Variants in LIPC observed in about 807,000 individuals in gnomAD.
The protein encoded by LIPC is hepatic triacylglycerol lipase.
Under a neutral mutation model 50.7 loss-of-function variants are expected in LIPC, and 44 were observed. The ratio of observed to expected loss-of-function variants is 0.87; its 90% CI spans 0.68 to 1.11. LIPC has a LOEUF of 1.11. LIPC is among the 50% of genes most tolerant of loss of function. LIPC has a pLI of 0.00. For synonymous variants in LIPC, 271 were observed against 256.4 expected (o/e 1.06, Z -0.54); for missense variants, 697 against 648.2 (o/e 1.08, Z -0.82).
At chr15:58,493,875 G>C (rs12916002) in intron 1 of LIPC, among the ~76,000 whole-genome samples, 1 of 152,066 alleles carries the variant, frequency 6.6e-6, no homozygotes, top group Non-Finnish European at 1.5e-5. Flanking sequence ...AGACGCACAG[G>C]AAGATGGCAA....
chr15:58,469,052 C>T (rs559758304), intron 1 of LIPC, among the ~76,000 whole-genome samples: 1 of 151,824 alleles, frequency 6.6e-6, no homozygotes, highest in South Asian at 2.1e-4. Context: ...AACATTAGTT[C>T]ACCATAGTTC....
chr15:58,510,847 G>C (rs1255404319), intron 1 of LIPC, among the ~76,000 whole-genome samples: 1 of 152,202 alleles, frequency 6.6e-6, no homozygotes, highest in East Asian at 1.9e-4. Context: ...GTCCTGAAAG[G>C]ACCTCTCAGC....
intron 1 of LIPC, chr15:58,436,438 T>C (rs1566905721): frequency 8.1e-6 from 2 of 246,318 alleles, no homozygotes; most frequent in South Asian, 4.6e-5. Flanking sequence ...TTTGGACTCA[T>C]ACGAAAAATA....
chr15:58,558,192 C>G (rs1894024377), intron 6 of LIPC, among the ~76,000 whole-genome samples: 1 of 152,110 alleles, frequency 6.6e-6, no homozygotes, highest in African/African-American at 2.4e-5. Context: ...CCTACCTCAG[C>G]CTCCCGAGTA....
At chr15:58,563,420 AAC>A (rs1894236101) in intron 7 of LIPC, 83 bp from the exon 8 acceptor site, 22 of 1,152,858 alleles carry the variant, frequency 1.9e-5, no homozygotes, top group Non-Finnish European at 2.6e-5. Flanking sequence ...CATTCAGGGA[AAC>A]ACAACACATC....
intron 1 of LIPC, among the ~76,000 whole-genome samples, chr15:58,491,485 C>T (rs1319383719): frequency 1.3e-5 from 2 of 152,166 alleles, no homozygotes; most frequent in Non-Finnish European, 2.9e-5. Flanking sequence ...CTACTTAAAA[C>T]AATAAGAGGT....
In LIPC at chr15:58,567,745, T is replaced by C. The variant is rs1040560569; in HGVS notation, c.1389-971T>C. ...CAAGTCTCTGAGTACCATTTTCTGG[T>C]AACAGGAAAAATTGCAGGAAAACAT... On this transcript the variant is annotated intron_variant, in intron 8 of 8. Transcript: ENST00000299022. 1.1e-3 allele frequency among the ~76,000 whole-genome samples: 5 copies of C among 4,574 alleles called. No individual in the cohort carries two copies. The Non-Finnish European group carries it at 0.013, about 12-fold the overall frequency. The allele number at this position is 4,574 out of a possible 152,430, so 3.0% of individuals were successfully genotyped here.
At chr15:58,451,162 C>T (rs994594088) in intron 1 of LIPC, among the ~76,000 whole-genome samples, 1 of 152,078 alleles carries the variant, frequency 6.6e-6, no homozygotes, top group African/African-American at 2.4e-5. Context: ...AGGCCCTGAC[C>T]GGCACAGGAT....
At chr15:58,530,779 T>C (rs1892937812) in intron 1 of LIPC, among the ~76,000 whole-genome samples, 3 of 152,230 alleles carry the variant, frequency 2.0e-5, no homozygotes. Flanking sequence ...CTTTTAAATC[T>C]AGCTTCTTTC....
intron 1 of LIPC, among the ~76,000 whole-genome samples, chr15:58,464,906 G>A (rs1421828957): frequency 1.3e-5 from 2 of 152,194 alleles, no homozygotes; most frequent in African/African-American, 2.4e-5. Flanking sequence ...CTGGGAGGTG[G>A]AGGTTGCAGT....
chr15:58,506,974 A>G (rs1397666280), intron 1 of LIPC, among the ~76,000 whole-genome samples: 1 of 152,240 alleles, frequency 6.6e-6, no homozygotes. Flanking sequence ...ACAAGGAGAA[A>G]TGCCCAGCGA....
At chr15:58,530,856 G>A (rs1892939811) in intron 1 of LIPC, among the ~76,000 whole-genome samples, 1 of 152,134 alleles carries the variant, frequency 6.6e-6, no homozygotes. Context: ...CCTTTTTCCT[G>A]CTGAGTAGTA....
chr15:58,540,331 T>G (rs1238704344), intron 2 of LIPC, among the ~76,000 whole-genome samples: 1 of 152,194 alleles, frequency 6.6e-6, no homozygotes, highest in Admixed American at 6.5e-5. Context: ...ATTTGTTGAG[T>G]CCTTACTATG....
rs577518356 is a variant in LIPC, at chr15:58,562,611, GC to G, written c.1170-889del. ...GATGATCCTGAGCTTCCCGAAAATT[GC>G]CCCCAGCTTTGGATCTCTGATCATC... On this transcript the variant is annotated intron_variant, in intron 7 of 8. Transcript: ENST00000299022. Among the ~76,000 whole-genome samples, 67 of 152,132 alleles carry G rather than the reference GC, an allele frequency of 4.4e-4. 2 individuals carry two copies. In the South Asian group the frequency reaches 0.014, roughly 32 times the overall value.
intron 1 of LIPC, among the ~76,000 whole-genome samples, chr15:58,495,840 G>A (rs1257695905): frequency 6.6e-6 from 1 of 152,204 alleles, no homozygotes; most frequent in African/African-American, 2.4e-5. Context: ...ACAGGTTTCT[G>A]TAATTCTAGG....
At chr15:58,496,108 G>T (rs773370451) in intron 1 of LIPC, among the ~76,000 whole-genome samples, 1 of 152,098 alleles carries the variant, frequency 6.6e-6, no homozygotes, top group Non-Finnish European at 1.5e-5. Flanking sequence ...CTAGGGCAGT[G>T]GTTCTCAGTG....
chr15:58,545,968 C>T lies in LIPC; in HGVS notation c.801C>T (p.Gly267=), dbSNP rs201695953. The T allele has an allele frequency of 6.2e-7, 1 of 1,612,378 alleles. No homozygotes were observed. Among genetic ancestry groups the T allele is most frequent in the Non-Finnish European group, 8.5e-7 (1 of 1,178,356 alleles). Residue 267 remains glycine (G), a synonymous_variant, in exon 5 of 9, where the codon GGC becomes GGT. Coordinates refer to ENST00000299022, the MANE Select transcript of LIPC (RefSeq NM_000236.3). Reference sequence around the variant, plus strand: ...TCTACAGACATATTGCCCAGCACGGCTTCAATGGTGAGAATGAAGTCATGG... The same window carrying T: ...TCTACAGACATATTGCCCAGCACGGTTTCAATGGTGAGAATGAAGTCATGG... The part of the protein sequence containing the change: ...LELYRHIAQH[G]FNAITQTIKC...
intron 1 of LIPC, among the ~76,000 whole-genome samples, chr15:58,478,126 T>G (rs1294143765): frequency 6.6e-6 from 1 of 152,192 alleles, no homozygotes; most frequent in Admixed American, 6.5e-5. Flanking sequence ...CACCACAACC[T>G]GTCTTGGTCC....
In LIPC at chr15:58,542,577, A is replaced by G. The variant is rs1893368009; in HGVS notation, c.500A>G (p.Tyr167Cys). Reference sequence around the variant, plus strand: ...CGAAGCCATGTTCACCTAATTGGGTACAGCCTGGGTGCACACGTGTCAGGA... The same window carrying G: ...CGAAGCCATGTTCACCTAATTGGGTGCAGCCTGGGTGCACACGTGTCAGGA... Reference protein sequence around the residue: ...LSRSHVHLIGYSLGAHVSGFA... With the variant: ...LSRSHVHLIGCSLGAHVSGFA... The change falls in exon 4 of 9, where the codon TAC becomes TGC. Residue 167 changes from tyrosine to cysteine, a missense_variant. By Grantham distance (194) the Tyr-to-Cys change is radical. Transcript: ENST00000299022. The G allele has an allele frequency of 1.2e-6, 2 of 1,613,860 alleles. No homozygotes were observed. Among genetic ancestry groups the G allele is most frequent in the Non-Finnish European group, 8.5e-7 (1 of 1,179,800 alleles).
Sources: gnomAD v4.1 joint callset for allele counts (sites outside exome capture counted in the v4.1 genomes callset) on GRCh38, gnomAD v4.1.1 for gene constraint, MANE v1.5 for transcripts, NCBI Gene and HGNC (gene_info 2026-07-23, HGNC 2026-07-21) for gene names.